Variants in CAB39L observed in about 807,000 individuals in gnomAD.
CAB39L encodes the protein calcium-binding protein 39-like.
Under a neutral mutation model 39.1 loss-of-function variants are expected in CAB39L, and 23 were observed. The ratio of observed to expected loss-of-function variants is 0.59; its 90% CI spans 0.42 to 0.83. The LOEUF (loss-of-function observed/expected upper bound fraction) is 0.83. Among genes scored for constraint, CAB39L ranks in the 40% least tolerant of loss-of-function variants. The pLI is 0.00. For synonymous variants in CAB39L, 126 were observed against 137.2 expected, an observed-to-expected ratio of 0.92 and a Z score of 0.57; for missense variants, 366 against 391.9, an observed-to-expected ratio of 0.93 and a Z score of 0.56.
intron 1 of CAB39L, among the ~76,000 whole-genome samples, chr13:49,435,726 C>T (rs959136541): frequency 2.6e-5 from 4 of 152,180 alleles, no homozygotes; most frequent in African/African-American, 4.8e-5. Context: ...GTCTCAAACT[C>T]CTGACCTCAA....
intron 7 of CAB39L, among the ~76,000 whole-genome samples, chr13:49,348,444 C>T (rs1955243910): frequency 6.6e-6 from 1 of 152,042 alleles, no homozygotes; most frequent in Non-Finnish European, 1.5e-5. Flanking sequence ...GGTATGCGCC[C>T]GTGGTCCCAG....
chr13:49,430,765 G>A (rs1293935606), intron 3 of CAB39L, among the ~76,000 whole-genome samples: 1 of 152,126 alleles, frequency 6.6e-6, no homozygotes, highest in Non-Finnish European at 1.5e-5. Context: ...GACTGGTATC[G>A]ACATGGCTGC....
chr13:49,317,724 G>C (rs1380496033), intron 10 of CAB39L, among the ~76,000 whole-genome samples: 1 of 152,002 alleles, frequency 6.6e-6, no homozygotes, highest in Non-Finnish European at 1.5e-5. Flanking sequence ...TGGTTTCTTA[G>C]ATATGACACC....
intron 7 of CAB39L, among the ~76,000 whole-genome samples, chr13:49,348,203 C>T (rs943670073): frequency 6.6e-6 from 1 of 152,134 alleles, no homozygotes; most frequent in Non-Finnish European, 1.5e-5. Flanking sequence ...ATTGCGGTTC[C>T]TTTCCTCTGA....
rs906626609 is a variant in CAB39L at position 49,415,300 on chromosome 13, A to G, written c.-32+18018T>C. 4.9e-4 allele frequency among the ~76,000 whole-genome samples: 74 copies of G among 152,056 alleles called. 1 individual carries two copies. The highest frequency in any genetic ancestry group is 1.7e-3 in the African/African-American group (69 of 41,472). On this transcript the variant is annotated intron_variant, in intron 3 of 10. Transcript: ENST00000409308. ...GGGAAGCTGAGGTGGGTGGATCATG[A>G]GGTCAAGAGTTCAAGACCAGCCTGG... is the stretch of plus-strand genomic sequence containing the variant.
intron 4 of CAB39L, among the ~76,000 whole-genome samples, chr13:49,381,196 G>A (rs957120961): frequency 6.6e-6 from 1 of 152,168 alleles, no homozygotes; most frequent in Non-Finnish European, 1.5e-5. Context: ...GCGAAGTGCT[G>A]GGATTACAGG....
At position 49,376,966 on chromosome 13, in the gene CAB39L, C is replaced by A; in HGVS notation, c.276+1G>T. 6.3e-7 allele frequency: 1 copy of A among 1,599,932 alleles called. No homozygotes were observed. Among genetic ancestry groups the A allele is most frequent in the Non-Finnish European group, 8.5e-7 (1 of 1,171,968 alleles). On this transcript the variant is annotated splice_donor_variant, in intron 5 of 10. Transcript: ENST00000409308. LOFTEE classifies it high-confidence loss of function. ...CTGACATCCTTTTACAGCTGGCTTA[C>A]CTCAAAGTCTATCAGCTGCAGGTCA... is the stretch of plus-strand genomic sequence containing the variant.
At chr13:49,324,521 C>G (rs546368753) in intron 10 of CAB39L, among the ~76,000 whole-genome samples, 14 of 152,240 alleles carry the variant, frequency 9.2e-5, no homozygotes, top group African/African-American at 2.6e-4. Flanking sequence ...AAAGGTCTGG[C>G]AAAGAGGCAC....
chr13:49,427,486 T>C (rs1271351111), intron 3 of CAB39L, among the ~76,000 whole-genome samples: 1 of 152,122 alleles, frequency 6.6e-6, no homozygotes, highest in Non-Finnish European at 1.5e-5. Flanking sequence ...CCTAGGAGTT[T>C]GAGACCACCC....
At chr13:49,404,326 T>C (rs992594375) in intron 3 of CAB39L, among the ~76,000 whole-genome samples, 2 of 152,106 alleles carry the variant, frequency 1.3e-5, no homozygotes, top group African/African-American at 4.8e-5. Context: ...GCTTTGAATA[T>C]CGCCTAATGC....
chr13:49,363,826 AAAAAAAAAAAG>A (rs1426564748), intron 5 of CAB39L, among the ~76,000 whole-genome samples: 1 of 151,098 alleles, frequency 6.6e-6, no homozygotes, highest in Non-Finnish European at 1.5e-5. Context: ...CTGTCTCAAA[AAAAAAAAAAAG>A]AAAAGAAAAA....
intron 6 of CAB39L, among the ~76,000 whole-genome samples, chr13:49,354,694 G>C (rs1484783659): frequency 1.3e-5 from 2 of 152,124 alleles, no homozygotes; most frequent in African/African-American, 4.8e-5. Flanking sequence ...TTGTAATTTA[G>C]ATCATATAGT....
chr13:49,388,292 A>G (rs1054529547), intron 3 of CAB39L, among the ~76,000 whole-genome samples: 1 of 152,212 alleles, frequency 6.6e-6, no homozygotes, highest in Non-Finnish European at 1.5e-5. Context: ...AAACAGAAAA[A>G]CAATCTAAAC....
At position 49,337,931 on chromosome 13, in the gene CAB39L, A is replaced by G. The variant is rs112046767; in HGVS notation, c.690+1746T>C. Among the ~76,000 whole-genome samples the G allele has an allele frequency of 8.4e-3, 1,273 of 152,320 alleles. 16 individuals carry two copies. Among genetic ancestry groups the G allele is most frequent in the African/African-American group, 0.028 (1,177 of 41,570 alleles). On this transcript the variant is annotated intron_variant, in intron 9 of 10. Coordinates refer to ENST00000409308, the MANE Select transcript of CAB39L (RefSeq NM_001079670.3). Reference sequence around the variant, plus strand: ...CCCAGAGCTGTTCTTGGCTGTCATCATATGTCTGGAGAATGAGCACATAAA... The same window carrying G: ...CCCAGAGCTGTTCTTGGCTGTCATCGTATGTCTGGAGAATGAGCACATAAA...
chr13:49,411,972 T>C (rs535900884), intron 3 of CAB39L, among the ~76,000 whole-genome samples: 35 of 152,260 alleles, frequency 2.3e-4, no homozygotes, highest in African/African-American at 8.4e-4. Context: ...TTGGTTCTCT[T>C]GCCTAGCCCA....
chr13:49,344,774 G>A (rs560765674), intron 7 of CAB39L, among the ~76,000 whole-genome samples: 9 of 152,112 alleles, frequency 5.9e-5, no homozygotes, highest in African/African-American at 2.2e-4. Flanking sequence ...CACCTGCCTC[G>A]GCCTCCCAAA....
At chr13:49,419,517 G>A (rs908101883) in intron 3 of CAB39L, among the ~76,000 whole-genome samples, 1 of 152,158 alleles carries the variant, frequency 6.6e-6, no homozygotes, top group African/African-American at 2.4e-5. Flanking sequence ...GGTCAAGGCT[G>A]CAGTGAGTCA....
chr13:49,387,143 T>C (rs1226436916), intron 3 of CAB39L, among the ~76,000 whole-genome samples: 1 of 152,234 alleles, frequency 6.6e-6, no homozygotes. Flanking sequence ...ACGAAGTTGT[T>C]CTTAAAGTAA....
chr13:49,405,222 C>G (rs542550340), intron 3 of CAB39L, among the ~76,000 whole-genome samples: 1 of 152,230 alleles, frequency 6.6e-6, no homozygotes, highest in South Asian at 2.1e-4. Flanking sequence ...CCCAACACAT[C>G]TGGCAACAGA....
Sources: allele counts gnomAD v4.1 joint callset (sites outside exome capture counted in the v4.1 genomes callset), GRCh38; gene constraint gnomAD v4.1.1; transcripts MANE v1.5; gene names NCBI Gene and HGNC (gene_info 2026-07-23, HGNC 2026-07-21).